The following YBEY variants were observed in gnomAD, a reference collection of about 807,000 sequenced individuals.
The protein encoded by YBEY is endoribonuclease YbeY.
A neutral mutation model predicts 13.5 loss-of-function variants in YBEY; 15 were observed. The observed-to-expected ratio is 1.11, with a 90% CI of 0.75 to 1.72. YBEY has a LOEUF of 1.72. Among genes scored for constraint, YBEY ranks in the 40% most tolerant of loss-of-function variants. The pLI is 0.00. For missense variants in YBEY, 244 were observed against 208.4 expected, an observed-to-expected ratio of 1.17 and a Z score of -1.05; for synonymous variants, 101 against 83.1, an observed-to-expected ratio of 1.21 and a Z score of -1.17.
chr21:46,287,943 T>C (rs567746214), intron 2 of YBEY, among the ~76,000 whole-genome samples: 1 of 149,986 alleles, frequency 6.7e-6, no homozygotes, highest in Admixed American at 6.7e-5. Flanking sequence ...ACCCCAGAGA[T>C]GGAGGTTGCA....
At chr21:46,304,837 G>A in the YBEY span, among the ~76,000 whole-genome samples, 1 of 152,234 alleles carries the variant, frequency 6.6e-6, no homozygotes, top group African/African-American at 2.4e-5. Flanking sequence ...TCAGTAGATA[G>A]ATAAATGGAG....
chr21:46,312,500 G>A, the YBEY span, among the ~76,000 whole-genome samples: 1 of 152,062 alleles, frequency 6.6e-6, no homozygotes, highest in Admixed American at 6.6e-5. Flanking sequence ...TGTGTTTTTA[G>A]TATAGACGGG....
chr21:46,289,441 G>GTTTTTTTTT (rs773002446), intron 2 of YBEY, among the ~76,000 whole-genome samples: 8 of 136,518 alleles, frequency 5.9e-5, no homozygotes, highest in Non-Finnish European at 7.8e-5. Context: ...GAAGGCAAGG[G>GTTTTTTTTT]TTTTGTTTTT....
the YBEY span, among the ~76,000 whole-genome samples, chr21:46,312,833 C>T: frequency 6.6e-6 from 1 of 152,206 alleles, no homozygotes. Flanking sequence ...GTCCCAGTGA[C>T]CTCTCTATCC....
the YBEY span, among the ~76,000 whole-genome samples, chr21:46,305,926 C>T: frequency 3.3e-5 from 5 of 149,900 alleles, no homozygotes; most frequent in East Asian, 2.0e-4. Context: ...TGGCAGACAG[C>T]GAGACTCCGT....
At chr21:46,295,487 T>TTCCTCCTCC (rs143683373) in intron 3 of YBEY, among the ~76,000 whole-genome samples, 1 of 151,656 alleles carries the variant, frequency 6.6e-6, no homozygotes, top group Admixed American at 6.6e-5. Context: ...CTCCCTCCTC[T>TTCCTCCTCC]TCCTCCTCCT....
chr21:46,299,943 C>G, downstream of YBEY, among the ~76,000 whole-genome samples: 1 of 152,136 alleles, frequency 6.6e-6, no homozygotes, highest in African/African-American at 2.4e-5. Flanking sequence ...TGAGCTCATC[C>G]CCTGCCCCAC....
Position 46,296,163 on chromosome 21 carries a change from TGAC to T in YBEY, c.343_345del (p.Thr115del). 1 of 1,613,670 alleles carries T rather than the reference TGAC, an allele frequency of 6.2e-7. No homozygotes were observed. The highest frequency in any genetic ancestry group is 8.5e-7 in the Non-Finnish European group (1 of 1,179,994). ...GCCGGTTTAAAATTATTCTGACAGGTGACGGCCACCCACGGACTCTGTCACTTG... is the reference window on the plus strand; with the variant it reads ...GCCGGTTTAAAATTATTCTGACAGGTGGCCACCCACGGACTCTGTCACTTG... On this transcript the variant is annotated inframe_deletion and splice_region_variant, in exon 4 of 5. Transcript: ENST00000397701.
chr21:46,296,078 A>G, intron 3 of YBEY, 84 bp from the exon 4 acceptor site: 1 of 1,482,246 alleles, frequency 6.7e-7, no homozygotes, highest in Non-Finnish European at 9.4e-7. Context: ...ACATACCAAG[A>G]GCAGCCTGTG....
chr21:46,308,103 C>T, the YBEY span, among the ~76,000 whole-genome samples: 7 of 152,060 alleles, frequency 4.6e-5, no homozygotes, highest in Non-Finnish European at 1.0e-4. Flanking sequence ...AAGTGATTCT[C>T]CTACCTCAGC....
chr21:46,304,649 A>T, the YBEY span, among the ~76,000 whole-genome samples: 2 of 152,222 alleles, frequency 1.3e-5, no homozygotes, highest in Non-Finnish European at 2.9e-5. Flanking sequence ...CTGGCGACTG[A>T]AATTCTCATT....
chr21:46,302,047 G>C, downstream of YBEY: 2 of 1,531,466 alleles, frequency 1.3e-6, no homozygotes, highest in African/African-American at 2.8e-5. Context: ...GGAGGACAGT[G>C]GCAGCCCCAG....
chr21:46,291,217 G>GA, intron 2 of YBEY, 117 bp from the exon 3 acceptor site: 2 of 877,024 alleles, frequency 2.3e-6, no homozygotes, highest in South Asian at 4.0e-5. Context: ...AAAAAAAAAA[G>GA]TGATTTGGCT....
chr21:46,298,298 G>A (rs1024723043), downstream of YBEY, among the ~76,000 whole-genome samples: 1 of 152,156 alleles, frequency 6.6e-6, no homozygotes, highest in Non-Finnish European at 1.5e-5. Flanking sequence ...TTGGGAACAC[G>A]GGCCAGGCCC....
At chr21:46,302,780 C>T in the YBEY span, among the ~76,000 whole-genome samples, 3 of 97,574 alleles carry the variant, frequency 3.1e-5, no homozygotes, top group Non-Finnish European at 6.3e-5. Flanking sequence ...CCCCGGGGCG[C>T]GCCCTGAGCC....
chr21:46,292,629 C>T (rs2081772050), intron 3 of YBEY, among the ~76,000 whole-genome samples: 1 of 103,468 alleles, frequency 9.7e-6, no homozygotes, highest in Non-Finnish European at 2.0e-5. Context: ...GGGACAGCCA[C>T]GCAAGTTAAA....
intron 3 of YBEY, among the ~76,000 whole-genome samples, chr21:46,292,453 T>A (rs2081756448): frequency 6.6e-6 from 1 of 152,240 alleles, no homozygotes; most frequent in Non-Finnish European, 1.5e-5. Flanking sequence ...GGGATTCGTT[T>A]TAGGGAGGGA....
rs2081463458 is a variant in YBEY at position 46,286,995 on chromosome 21, A to G, written c.82A>G (p.Arg28Gly). ...TCGCAGTAAGATCGAGATTGTAAGG[A>G]GGATTTTAGGAGTGCAGAAATTTGA... ...PLRSKIEIVR[R>G]ILGVQKFDLG... Residue 28 changes from arginine (R) to glycine (G), a missense_variant, in exon 2 of 5, where the codon AGG becomes GGG. Physicochemically the swap from Arg to Gly is moderately radical, Grantham distance 125. Coordinates refer to ENST00000397701, the MANE Select transcript of YBEY (RefSeq NM_001314025.2). 6.2e-7 allele frequency: 1 copy of G among 1,613,984 alleles called. No homozygotes were observed.
At chr21:46,302,005 TG>T, downstream of YBEY, 1 of 1,530,164 alleles carries the variant, frequency 6.5e-7, no homozygotes, top group Non-Finnish European at 8.8e-7. Flanking sequence ...ACACTCAGGG[TG>T]GGCCAGGCGT....
Sources: allele counts gnomAD v4.1 joint callset (sites outside exome capture counted in the v4.1 genomes callset), GRCh38; gene constraint gnomAD v4.1.1; transcripts MANE v1.5; gene names NCBI Gene and HGNC (gene_info 2026-07-23, HGNC 2026-07-21).